NRXN1: variants seen among roughly 807,000 people sequenced by gnomAD.
NRXN1 encodes the protein neurexin-1.
Under a neutral mutation model 150.9 loss-of-function variants are expected in NRXN1, and 39 were observed. That is an observed-to-expected ratio of 0.26 (90% CI 0.20 to 0.34). The LOEUF (loss-of-function observed/expected upper bound fraction) is 0.34, where lower values mean the gene tolerates loss of function less well. Among genes scored for constraint, NRXN1 ranks in the 10% least tolerant of loss-of-function variants. The pLI, the probability that NRXN1 is intolerant of heterozygous loss-of-function variation, is 1.00. For synonymous variants in NRXN1, 924 were observed against 757.0 expected, an observed-to-expected ratio of 1.22 and a Z score of -3.62; for missense variants, 1,815 against 1,949.9, an observed-to-expected ratio of 0.93 and a Z score of 1.30.
intron 8 of NRXN1, among the ~76,000 whole-genome samples, chr2:50,596,971 T>C (rs369479662): frequency 1.6e-4 from 22 of 140,044 alleles, no homozygotes; most frequent in African/African-American, 5.8e-4. Flanking sequence ...ACTCAAGCAA[T>C]CCTCCTGAGT....
At chr2:50,012,097 A>G (rs1685769656) in intron 21 of NRXN1, among the ~76,000 whole-genome samples, 1 of 152,070 alleles carries the variant, frequency 6.6e-6, no homozygotes, top group South Asian at 2.1e-4. Flanking sequence ...TTTTCCCCCC[A>G]TCTTCATAAG....
At chr2:51,010,077 C>T (rs932262466) in intron 2 of NRXN1, among the ~76,000 whole-genome samples, 2 of 151,936 alleles carry the variant, frequency 1.3e-5, no homozygotes, top group Non-Finnish European at 2.9e-5. Context: ...GAATGTTCAA[C>T]CAAGGATAAC....
At chr2:50,846,408 G>A (rs1271826477) in intron 5 of NRXN1, among the ~76,000 whole-genome samples, 4 of 152,032 alleles carry the variant, frequency 2.6e-5, no homozygotes, top group Non-Finnish European at 5.9e-5. Context: ...ACAACCTCTG[G>A]GTCGGCAAGC....
At chr2:50,358,247 G>A (rs1036849718) in intron 17 of NRXN1, among the ~76,000 whole-genome samples, 3 of 152,160 alleles carry the variant, frequency 2.0e-5, no homozygotes, top group African/African-American at 7.2e-5. Flanking sequence ...CACTCCCCTG[G>A]AAAGGGGGAT....
chr2:50,324,774 T>G (rs913000721), intron 17 of NRXN1, among the ~76,000 whole-genome samples: 2 of 152,244 alleles, frequency 1.3e-5, no homozygotes, highest in Non-Finnish European at 2.9e-5. Flanking sequence ...ATTTCCTTAG[T>G]CACACTCACC....
intron 19 of NRXN1, among the ~76,000 whole-genome samples, chr2:50,085,145 C>T (rs1050686846): frequency 2.0e-5 from 3 of 151,992 alleles, no homozygotes; most frequent in Non-Finnish European, 4.4e-5. Context: ...CCAATGGAAA[C>T]CAAACATTTA....
At chr2:50,260,419 C>T (rs2068131760) in intron 17 of NRXN1, among the ~76,000 whole-genome samples, 1 of 151,696 alleles carries the variant, frequency 6.6e-6, no homozygotes, top group South Asian at 2.1e-4. Context: ...CCATGGCATC[C>T]TTTTAGTAAG....
intron 5 of NRXN1, among the ~76,000 whole-genome samples, chr2:50,660,966 T>C (rs898933746): frequency 6.6e-6 from 1 of 152,008 alleles, no homozygotes; most frequent in African/African-American, 2.4e-5. Flanking sequence ...TCTTAAAATA[T>C]CATTGCAAGT....
At chr2:50,785,625 T>G (rs1705010348) in intron 5 of NRXN1, among the ~76,000 whole-genome samples, 1 of 152,124 alleles carries the variant, frequency 6.6e-6, no homozygotes, top group Non-Finnish European at 1.5e-5. Context: ...CAGAGGGTTT[T>G]GTTGATAGAA....
chr2:50,678,415 C>T (rs940630464), intron 5 of NRXN1, among the ~76,000 whole-genome samples: 13 of 152,150 alleles, frequency 8.5e-5, no homozygotes, highest in African/African-American at 3.1e-4. Flanking sequence ...TGTAAAAATG[C>T]AGTGCAGCTA....
At chr2:50,275,764 C>T (rs11887976) in intron 17 of NRXN1, among the ~76,000 whole-genome samples, 13,319 of 152,094 alleles carry the variant, frequency 0.088, 669 homozygotes, top group Middle Eastern at 0.15. Flanking sequence ...CTTCCAAATA[C>T]AGCTCCTTCA....
chr2:50,126,731 A>G (rs1017768367), intron 18 of NRXN1, among the ~76,000 whole-genome samples: 1 of 152,104 alleles, frequency 6.6e-6, no homozygotes, highest in African/African-American at 2.4e-5. Context: ...AGCCATTAAC[A>G]TTAATGGAAA....
intron 22 of NRXN1, among the ~76,000 whole-genome samples, chr2:49,923,663 T>C (rs1418688766): frequency 6.6e-6 from 1 of 152,222 alleles, no homozygotes; most frequent in Non-Finnish European, 1.5e-5. Context: ...AACATATGGC[T>C]CTATACTGCT....
At chr2:50,900,415 G>C (rs1208518710) in intron 5 of NRXN1, among the ~76,000 whole-genome samples, 2 of 152,126 alleles carry the variant, frequency 1.3e-5, no homozygotes, top group African/African-American at 4.8e-5. Flanking sequence ...TCTAGTTGAG[G>C]TTATTAGGTC....
intron 17 of NRXN1, among the ~76,000 whole-genome samples, chr2:50,284,211 A>G (rs1389056528): frequency 1.3e-5 from 2 of 152,192 alleles, no homozygotes; most frequent in Non-Finnish European, 2.9e-5. Flanking sequence ...AAAGATAACA[A>G]TAACATTTCA....
intron 5 of NRXN1, among the ~76,000 whole-genome samples, chr2:50,633,766 T>G (rs143229304): frequency 2.0e-5 from 3 of 152,048 alleles, no homozygotes; most frequent in African/African-American, 4.8e-5. Context: ...AATACAACAG[T>G]AAATAAGGCT....
At position 50,988,499 on chromosome 2, in the gene NRXN1, A is replaced by C. The variant is rs1021513223; in HGVS notation, c.772+39003T>G. Among the ~76,000 whole-genome samples, 55 of 152,062 alleles carry C rather than the reference A, an allele frequency of 3.6e-4. 1 individual carries two copies. The highest frequency in any genetic ancestry group is 1.2e-3 in the African/African-American group (51 of 41,550). On this transcript the variant is annotated intron_variant, in intron 2 of 22. Transcript: ENST00000401669. ...GAATGCTGTCTAAAGGTTCTAACCAAGGAGACAATCCATCCGTAAATGACT... is the reference window on the plus strand; with the variant it reads ...GAATGCTGTCTAAAGGTTCTAACCACGGAGACAATCCATCCGTAAATGACT...
At chr2:50,004,713 T>C (rs1377106055) in intron 21 of NRXN1, among the ~76,000 whole-genome samples, 2 of 152,180 alleles carry the variant, frequency 1.3e-5, no homozygotes, top group Non-Finnish European at 2.9e-5. Flanking sequence ...GTGGTAATAA[T>C]GTAGTTAAGT....
intron 21 of NRXN1, among the ~76,000 whole-genome samples, chr2:49,954,577 G>A (rs979060741): frequency 2.6e-5 from 4 of 152,100 alleles, no homozygotes; most frequent in African/African-American, 9.7e-5. Flanking sequence ...GAAAGAGAGA[G>A]AAAAAGGGAG....
Sources: allele counts gnomAD v4.1 joint callset (sites outside exome capture counted in the v4.1 genomes callset), GRCh38; gene constraint gnomAD v4.1.1; transcripts MANE v1.5; gene names NCBI Gene and HGNC (gene_info 2026-07-23, HGNC 2026-07-21).